SGCD: variants seen among roughly 807,000 people sequenced by gnomAD.
SGCD encodes the protein delta-sarcoglycan.
A neutral mutation model predicts 36.6 loss-of-function variants in SGCD; 18 were observed. The ratio of observed to expected loss-of-function variants is 0.49; its 90% CI spans 0.34 to 0.73. The LOEUF is 0.73. Among genes scored for constraint, SGCD ranks in the 30% least tolerant of loss-of-function variants. SGCD has a pLI of 0.01. For synonymous variants in SGCD, 133 were observed against 130.6 expected, an observed-to-expected ratio of 1.02 and a Z score of -0.12; for missense variants, 387 against 346.7, an observed-to-expected ratio of 1.12 and a Z score of -0.92.
At chr5:155,730,445 C>CTG in the SGCD span, among the ~76,000 whole-genome samples, 659 of 137,292 alleles carry the variant, frequency 4.8e-3, 4 homozygotes, top group African/African-American at 0.01. Context: ...GGTAGAGCAG[C>CTG]TGTGTGTGTG....
At chr5:155,823,671 C>G in the SGCD span, among the ~76,000 whole-genome samples, 3 of 152,114 alleles carry the variant, frequency 2.0e-5, no homozygotes, top group Non-Finnish European at 4.4e-5. Flanking sequence ...TAAGGTGTCC[C>G]CAAGAGAGGC....
At chr5:156,727,907 T>C (rs562963117) in intron 7 of SGCD, among the ~76,000 whole-genome samples, 1 of 152,318 alleles carries the variant, frequency 6.6e-6, no homozygotes, top group Admixed American at 6.5e-5. Context: ...ACTTTCCTGT[T>C]TACCCTGTGA....
intron 3 of SGCD, among the ~76,000 whole-genome samples, chr5:156,233,346 A>G (rs564925889): frequency 6.6e-6 from 1 of 152,256 alleles, no homozygotes; most frequent in Non-Finnish European, 1.5e-5. Context: ...ATTAAACATC[A>G]TAACGGGAAT....
chr5:156,167,634 G>A (rs1435119164), intron 3 of SGCD, among the ~76,000 whole-genome samples: 6 of 152,128 alleles, frequency 3.9e-5, no homozygotes, highest in Admixed American at 3.9e-4. Flanking sequence ...AAAAGTCTGG[G>A]ATTTTTTTCT....
At chr5:155,959,761 C>T (rs2074935471) in intron 1 of SGCD, among the ~76,000 whole-genome samples, 1 of 152,004 alleles carries the variant, frequency 6.6e-6, no homozygotes, top group African/African-American at 2.4e-5. Flanking sequence ...TATGTATTAG[C>T]CAATATGCTA....
intron 1 of SGCD, among the ~76,000 whole-genome samples, chr5:155,919,777 T>C (rs776055740): frequency 2.6e-5 from 4 of 152,192 alleles, no homozygotes; most frequent in Non-Finnish European, 4.4e-5. Context: ...TTTCTTCATT[T>C]GAAAGATGGA....
chr5:156,552,572 A>G (rs1758843335), intron 4 of SGCD, among the ~76,000 whole-genome samples: 1 of 152,190 alleles, frequency 6.6e-6, no homozygotes, highest in Non-Finnish European at 1.5e-5. Context: ...CCTTGTACAA[A>G]CAAGTACCAA....
chr5:156,757,566 T>C lies in SGCD; in HGVS notation c.576-15T>C, dbSNP rs918017706. ...GAAAAAGGGATCTTTATTGACGATC[T>C]TGGGTGTTTTTCAGGTTGGAGTCCC... On this transcript the variant is annotated splice_polypyrimidine_tract_variant and intron_variant, in intron 7 of 8. Transcript: ENST00000337851. 6.6e-7 allele frequency: 1 copy of C among 1,515,478 alleles called. No homozygotes were observed. Among genetic ancestry groups the C allele is most frequent in the African/African-American group, 1.4e-5 (1 of 72,764 alleles). The allele number at this position is 1,515,478 out of a possible 1,614,324, so 93.9% of individuals were successfully genotyped here.
At chr5:155,818,344 G>A in the SGCD span, among the ~76,000 whole-genome samples, 3 of 152,066 alleles carry the variant, frequency 2.0e-5, no homozygotes, top group Non-Finnish European at 2.9e-5. Flanking sequence ...CCAGCAAGAG[G>A]CAGGTCAGAG....
chr5:155,877,332 ATGAGTG>A (rs1199026681), intron 1 of SGCD, among the ~76,000 whole-genome samples: 4 of 152,284 alleles, frequency 2.6e-5, no homozygotes, highest in African/African-American at 9.6e-5. Context: ...GCCAACTTAA[ATGAGTG>A]TGAAGAATAC....
At chr5:155,976,777 C>T (rs1345328636) in intron 1 of SGCD, among the ~76,000 whole-genome samples, 1 of 152,072 alleles carries the variant, frequency 6.6e-6, no homozygotes, top group Non-Finnish European at 1.5e-5. Flanking sequence ...ATCCTGGACA[C>T]CGCCTTTTAC....
At chr5:156,534,533 G>T (rs1032806572) in intron 4 of SGCD, among the ~76,000 whole-genome samples, 2 of 152,154 alleles carry the variant, frequency 1.3e-5, no homozygotes, top group African/African-American at 4.8e-5. Context: ...CATGCAGGAA[G>T]GTCCTCCCTA....
intron 1 of SGCD, among the ~76,000 whole-genome samples, chr5:155,954,790 G>A (rs1177985486): frequency 6.6e-6 from 1 of 152,124 alleles, no homozygotes; most frequent in African/African-American, 2.4e-5. Flanking sequence ...TTACTATGAA[G>A]AATTGGCTCA....
intron 1 of SGCD, among the ~76,000 whole-genome samples, chr5:155,996,464 A>G (rs1758546401): frequency 6.6e-6 from 1 of 152,164 alleles, no homozygotes; most frequent in African/African-American, 2.4e-5. Flanking sequence ...GATTGTTTCT[A>G]ATTTTATATA....
intron 1 of SGCD, among the ~76,000 whole-genome samples, chr5:156,071,809 G>C (rs886451309): frequency 4.6e-5 from 7 of 152,128 alleles, no homozygotes; most frequent in Non-Finnish European, 1.0e-4. Context: ...ATGAATCTGG[G>C]TGCTCCTGTA....
At chr5:155,864,763 C>T in the SGCD span, among the ~76,000 whole-genome samples, 3 of 152,084 alleles carry the variant, frequency 2.0e-5, no homozygotes, top group Non-Finnish European at 4.4e-5. Flanking sequence ...TGCATGTGTG[C>T]GTACACATTC....
At chr5:156,589,187 G>A (rs1024506639) in intron 4 of SGCD, 44 bp from the exon 5 acceptor site, 6 of 1,385,202 alleles carry the variant, frequency 4.3e-6, no homozygotes, top group Non-Finnish European at 5.0e-6. Flanking sequence ...TTTTTGTTTA[G>A]AAATCTATCA....
At chr5:156,404,971 A>G (rs1291058848) in intron 3 of SGCD, among the ~76,000 whole-genome samples, 1 of 152,182 alleles carries the variant, frequency 6.6e-6, no homozygotes, top group Non-Finnish European at 1.5e-5. Flanking sequence ...TGCAGATGCA[A>G]TTAAGGCTAC....
chr5:155,891,578 G>GTTTTTTTTTTTTT (rs1554102611), intron 1 of SGCD, among the ~76,000 whole-genome samples: 1 of 5,332 alleles, frequency 1.9e-4, no homozygotes, highest in African/African-American at 7.6e-4. Flanking sequence ...TTTTTTTTTT[G>GTTTTTTTTTTTTT]GTGACATTAC....
Sources: allele counts gnomAD v4.1 joint callset (sites outside exome capture counted in the v4.1 genomes callset), GRCh38; gene constraint gnomAD v4.1.1; transcripts MANE v1.5; gene names NCBI Gene and HGNC (gene_info 2026-07-23, HGNC 2026-07-21).